Variants in GNA14 observed in about 807,000 individuals in gnomAD.
The protein encoded by GNA14 is G protein subunit alpha 14, also known as guanine nucleotide-binding protein subunit alpha-14.
Under a neutral mutation model 42.0 loss-of-function variants are expected in GNA14, and 50 were observed. The ratio of observed to expected loss-of-function variants is 1.19; its 90% CI spans 0.95 to 1.51. The LOEUF (loss-of-function observed/expected upper bound fraction) is 1.51. Among genes scored for constraint, GNA14 ranks in the 40% most tolerant of loss-of-function variants. The pLI is 0.00. For missense variants in GNA14, 473 were observed against 446.2 expected, an observed-to-expected ratio of 1.06 and a Z score of -0.54; for synonymous variants, 173 against 163.1, an observed-to-expected ratio of 1.06 and a Z score of -0.46.
chr9:77,571,122 C>A (rs1207185236), intron 1 of GNA14, among the ~76,000 whole-genome samples: 2 of 152,240 alleles, frequency 1.3e-5, no homozygotes, highest in East Asian at 3.9e-4. Context: ...AGCATTTAAA[C>A]CTGAGTCAGT....
chr9:77,506,015 G>C (rs2131746419), intron 2 of GNA14, among the ~76,000 whole-genome samples: 1 of 151,864 alleles, frequency 6.6e-6, no homozygotes, highest in South Asian at 2.1e-4. Context: ...AGTAAGCTCA[G>C]CACTTTGGAA....
At position 77,624,958 on chromosome 9, in the gene GNA14, G is replaced by A. The variant is rs1361920224; in HGVS notation, c.124+22712C>T. ...AAGGTGGGTAATAACAAACTCCTCC[G>A]AGCTAAAAGAGCAAGTCCTAACCCA... On this transcript the variant is annotated intron_variant, in intron 1 of 6. Coordinates refer to ENST00000341700, the MANE Select transcript of GNA14 (RefSeq NM_004297.4). Among the ~76,000 whole-genome samples the A allele has an allele frequency of 3.3e-5, 5 of 151,720 alleles. 1 individual carries two copies. Among genetic ancestry groups the A allele is most frequent in the Non-Finnish European group, 5.9e-5 (4 of 67,952 alleles).
chr9:77,502,806 G>A (rs1836997442), intron 2 of GNA14, among the ~76,000 whole-genome samples: 1 of 152,158 alleles, frequency 6.6e-6, no homozygotes, highest in African/African-American at 2.4e-5. Flanking sequence ...TGCTGGCATG[G>A]GTGTGGGTGG....
intron 1 of GNA14, among the ~76,000 whole-genome samples, chr9:77,607,991 G>A (rs1259866807): frequency 6.6e-6 from 1 of 152,106 alleles, no homozygotes. Context: ...GAACATTCAG[G>A]CCATAATATT....
At chr9:77,521,981 C>T (rs1189352883) in intron 2 of GNA14, among the ~76,000 whole-genome samples, 2 of 152,038 alleles carry the variant, frequency 1.3e-5, no homozygotes, top group African/African-American at 2.4e-5. Context: ...TACAGGCATG[C>T]GCCACCACGC....
At chr9:77,627,557 G>T (rs1824029028) in intron 1 of GNA14, among the ~76,000 whole-genome samples, 1 of 152,150 alleles carries the variant, frequency 6.6e-6, no homozygotes, top group East Asian at 1.9e-4. Flanking sequence ...AATCAAGTCA[G>T]CTTCATCCCT....
intron 1 of GNA14, among the ~76,000 whole-genome samples, chr9:77,594,210 T>C (rs1355375174): frequency 6.6e-6 from 1 of 152,228 alleles, no homozygotes; most frequent in Non-Finnish European, 1.5e-5. Flanking sequence ...GTCTTGAGTA[T>C]AGAACTGGGA....
At chr9:77,626,469 T>C (rs189970775) in intron 1 of GNA14, among the ~76,000 whole-genome samples, 234 of 152,276 alleles carry the variant, frequency 1.5e-3, no homozygotes, top group African/African-American at 4.4e-3. Context: ...TAGTTTAAAA[T>C]TGACCGCATC....
At chr9:77,602,675 T>C (rs1303920571) in intron 1 of GNA14, among the ~76,000 whole-genome samples, 3 of 152,218 alleles carry the variant, frequency 2.0e-5, no homozygotes, top group Non-Finnish European at 2.9e-5. Context: ...CTTTCCTTTT[T>C]TCTCATTTAT....
chr9:77,459,192 C>T (rs1381884373), intron 2 of GNA14, among the ~76,000 whole-genome samples: 5 of 151,680 alleles, frequency 3.3e-5, no homozygotes, highest in African/African-American at 7.3e-5. Context: ...GCTGAGATCA[C>T]ATCACTGCCC....
chr9:77,635,258 A>C (rs1824165008), intron 1 of GNA14: 1 of 152,174 alleles, frequency 6.6e-6, no homozygotes, highest in African/African-American at 2.4e-5. Context: ...GGGCCATGCT[A>C]ATCTTCTGTG....
At chr9:77,442,699 C>CA (rs1357641953) in intron 2 of GNA14, among the ~76,000 whole-genome samples, 1 of 152,186 alleles carries the variant, frequency 6.6e-6, no homozygotes, top group African/African-American at 2.4e-5. Context: ...CAAGTACCTC[C>CA]AGACACCTGG....
At chr9:77,608,590 T>C (rs1044447894) in intron 1 of GNA14, among the ~76,000 whole-genome samples, 4 of 152,146 alleles carry the variant, frequency 2.6e-5, no homozygotes, top group Non-Finnish European at 5.9e-5. Context: ...CCCTGCCCCC[T>C]TGACCTGTGG....
At chr9:77,488,403 T>C (rs1029201927) in intron 2 of GNA14, among the ~76,000 whole-genome samples, 5 of 152,170 alleles carry the variant, frequency 3.3e-5, no homozygotes, top group Admixed American at 2.0e-4. Flanking sequence ...GGAAGCATCA[T>C]GAGCGCCTGA....
chr9:77,575,158 G>A (rs1004007979), intron 1 of GNA14, among the ~76,000 whole-genome samples: 1 of 152,148 alleles, frequency 6.6e-6, no homozygotes, highest in African/African-American at 2.4e-5. Context: ...AGCTGGTATG[G>A]CCCCATTTGA....
At chr9:77,527,806 T>C (rs956745681) in intron 2 of GNA14, among the ~76,000 whole-genome samples, 6 of 152,186 alleles carry the variant, frequency 3.9e-5, no homozygotes, top group Non-Finnish European at 7.3e-5. Context: ...GCTAATGTTT[T>C]GCAATTTTAG....
chr9:77,585,666 C>A (rs564137114), intron 1 of GNA14, among the ~76,000 whole-genome samples: 2 of 152,296 alleles, frequency 1.3e-5, no homozygotes, highest in East Asian at 3.9e-4. Flanking sequence ...TGGAATTCCT[C>A]ACCTAAAGTG....
Position 77,441,276 on chromosome 9 carries a change from G to A in GNA14, c.310-6754C>T, listed in dbSNP as rs1587762623. 2.0e-5 allele frequency among the ~76,000 whole-genome samples: 3 copies of A among 152,266 alleles called. No individual in the cohort carries two copies. The South Asian group carries it at 6.2e-4, about 32-fold the overall frequency. The stretch of plus-strand genomic sequence containing the variant: ...TCTCCCATGCTGTTCTCGTGATAGT[G>A]AGTGAGTTCTCATGAGATGTGATGG... On this transcript the variant is annotated intron_variant, in intron 2 of 6. Transcript: ENST00000341700.
chr9:77,600,236 A>AC (rs1311805686), intron 1 of GNA14, among the ~76,000 whole-genome samples: 4 of 152,108 alleles, frequency 2.6e-5, no homozygotes, highest in African/African-American at 9.7e-5. Flanking sequence ...GCCAAAGTAC[A>AC]CCCCTTTTCT....
Sources: gnomAD v4.1 joint callset for allele counts (sites outside exome capture counted in the v4.1 genomes callset) on GRCh38, gnomAD v4.1.1 for gene constraint, MANE v1.5 for transcripts, NCBI Gene and HGNC (gene_info 2026-07-23, HGNC 2026-07-21) for gene names.